OTUD7A: variants seen among roughly 807,000 people sequenced by gnomAD.
OTUD7A encodes the protein OTU domain-containing protein 7A.
In OTUD7A, 12 loss-of-function variants were observed where a neutral mutation model predicts 65.7. The observed-to-expected ratio is 0.18, with a 90% CI of 0.12 to 0.30. The LOEUF (loss-of-function observed/expected upper bound fraction) is 0.30, where lower values mean the gene tolerates loss of function less well. Among genes scored for constraint, OTUD7A ranks in the 10% least tolerant of loss-of-function variants. OTUD7A has a pLI of 1.00. For missense variants in OTUD7A, 1,148 were observed against 1,304.8 expected (o/e 0.88, Z 1.85); for synonymous variants, 641 against 586.3 (o/e 1.09, Z -1.35).
At position 31,687,530 on chromosome 15, in the gene OTUD7A, G is replaced by A. The variant is rs545529999; in HGVS notation, c.-99-30453C>T. ...GTACCCTCTACCATATGCCTCCTGC[G>A]ATGGTCACTCCCAGTCTCCTAATTG... On this transcript the variant is annotated intron_variant, in intron 1 of 12. Coordinates refer to ENST00000307050, the MANE Select transcript of OTUD7A (RefSeq NM_001382637.1). 2.6e-5 allele frequency among the ~76,000 whole-genome samples: 4 copies of A among 152,294 alleles called. No individual in the cohort carries two copies. The East Asian group carries it at 7.7e-4, about 29-fold the overall frequency.
intron 1 of OTUD7A, among the ~76,000 whole-genome samples, chr15:31,696,143 T>G (rs1595713208): frequency 5.6e-5 from 8 of 143,662 alleles, no homozygotes; most frequent in Admixed American, 1.4e-4. Flanking sequence ...GGCACAGGGT[T>G]GAGGGGGGCA....
At chr15:31,669,746 C>T (rs2141294207) in intron 1 of OTUD7A, among the ~76,000 whole-genome samples, 1 of 152,188 alleles carries the variant, frequency 6.6e-6, no homozygotes, top group South Asian at 2.1e-4. Flanking sequence ...CCTCCTCTGG[C>T]TTCCCTCCCA....
At chr15:31,794,601 C>T (rs1014955649) in intron 1 of OTUD7A, among the ~76,000 whole-genome samples, 3 of 150,642 alleles carry the variant, frequency 2.0e-5, no homozygotes, top group Non-Finnish European at 4.4e-5. Flanking sequence ...TGCTGGCTGG[C>T]CTTGTTCTAA....
chr15:31,610,521 A>G (rs1265621580), intron 3 of OTUD7A, among the ~76,000 whole-genome samples: 5 of 149,452 alleles, frequency 3.3e-5, no homozygotes, highest in African/African-American at 1.2e-4. Context: ...TCAACAGCAC[A>G]TGGGACTTTC....
rs2041033500 is a variant in OTUD7A, at chr15:31,477,055, C to G, written c.*6239G>C. Reference sequence around the variant, plus strand: ...TCAAGGCCCTGACCTTCCAGTGCACCTCCACCAGTGGCCAATGGGGATACC... The same window carrying G: ...TCAAGGCCCTGACCTTCCAGTGCACGTCCACCAGTGGCCAATGGGGATACC... On this transcript the variant is annotated 3_prime_UTR_variant, in exon 13 of 13. Coordinates refer to ENST00000307050, the MANE Select transcript of OTUD7A (RefSeq NM_001382637.1). The G allele has an allele frequency of 6.6e-6, 1 of 152,482 alleles. No individual in the cohort carries two copies. Among genetic ancestry groups the G allele is most frequent in the South Asian group, 2.1e-4 (1 of 4,832 alleles). 9.4% of individuals were successfully genotyped at this position (152,482 alleles called of 1,614,324 possible). A position where few individuals can be genotyped will look rare whatever the true frequency, so the allele number is the denominator to read the frequency against.
chr15:31,748,813 G>A (rs1000369800), intron 1 of OTUD7A, among the ~76,000 whole-genome samples: 8 of 152,144 alleles, frequency 5.3e-5, no homozygotes, highest in Non-Finnish European at 5.9e-5. Context: ...ATTCCTTTGC[G>A]TCAATATATC....
At chr15:31,499,953 A>G (rs964844277) in intron 10 of OTUD7A, among the ~76,000 whole-genome samples, 1 of 152,216 alleles carries the variant, frequency 6.6e-6, no homozygotes, top group African/African-American at 2.4e-5. Context: ...ATGCTTTCAT[A>G]TGTGCCTTGA....
chr15:31,576,138 C>T (rs1889196974), intron 3 of OTUD7A, among the ~76,000 whole-genome samples: 1 of 152,174 alleles, frequency 6.6e-6, no homozygotes, highest in African/African-American at 2.4e-5. Context: ...ACATACCTCC[C>T]TCACAATTTG....
chr15:31,686,935 T>C (rs1180123354), intron 1 of OTUD7A, among the ~76,000 whole-genome samples: 3 of 152,232 alleles, frequency 2.0e-5, no homozygotes, highest in Admixed American at 1.3e-4. Context: ...TAACATGTTT[T>C]CCAACAGCAA....
At position 31,487,371 on chromosome 15, in the gene OTUD7A, G is replaced by T; in HGVS notation, c.1286+81C>A. ...TGCCAGCTGTCCCAGGAGGAGCAGG[G>T]GTGGTACATTCCCTCCCCAGGATGC... is the stretch of plus-strand genomic sequence containing the variant. On this transcript the variant is annotated intron_variant, in intron 11 of 12. Transcript: ENST00000307050. The surrounding 1 kb of genome is among the most constrained non-coding windows in gnomAD (Gnocchi z 6.0). The T allele has an allele frequency of 6.3e-7, 1 of 1,580,770 alleles. No individual in the cohort carries two copies. Among genetic ancestry groups the T allele is most frequent in the Non-Finnish European group, 8.7e-7 (1 of 1,154,098 alleles).
rs918212758 is a variant in OTUD7A at position 31,484,923 on chromosome 15, G to A, written c.1372-199C>T. Among the ~76,000 whole-genome samples the A allele has an allele frequency of 3.9e-5, 6 of 152,218 alleles. No homozygotes were observed. Among genetic ancestry groups the A allele is most frequent in the Admixed American group, 2.0e-4 (3 of 15,290 alleles). Reference sequence around the variant, plus strand: ...AGCGGATAGGAGTGGGCTCTGATCTGCTGCGGTAGTAAAAGGATGTAGGGA... The same window carrying A: ...AGCGGATAGGAGTGGGCTCTGATCTACTGCGGTAGTAAAAGGATGTAGGGA... On this transcript the variant is annotated intron_variant, in intron 12 of 12. Coordinates refer to ENST00000307050, the MANE Select transcript of OTUD7A (RefSeq NM_001382637.1). The surrounding 1 kb of genome is among the most constrained non-coding windows in gnomAD (Gnocchi z 4.5).
intron 1 of OTUD7A, among the ~76,000 whole-genome samples, chr15:31,776,951 T>TA (rs547850468): frequency 8.0e-5 from 12 of 150,744 alleles, no homozygotes; most frequent in Admixed American, 2.0e-4. Flanking sequence ...ATAATAATAA[T>TA]AAAAAAATGC....
At chr15:31,824,208 C>A (rs1459493095) in intron 1 of OTUD7A, among the ~76,000 whole-genome samples, 1 of 152,214 alleles carries the variant, frequency 6.6e-6, no homozygotes, top group Non-Finnish European at 1.5e-5. Context: ...GCTCCTTATG[C>A]CAGGCTGGCT....
At chr15:31,755,060 C>T (rs1595747895) in intron 1 of OTUD7A, among the ~76,000 whole-genome samples, 2 of 146,392 alleles carry the variant, frequency 1.4e-5, no homozygotes, top group East Asian at 2.0e-4. Flanking sequence ...CCTCTGTGTT[C>T]GTGTGTGTGT....
chr15:31,693,335 T>G (rs1893001270), intron 1 of OTUD7A, among the ~76,000 whole-genome samples: 1 of 152,216 alleles, frequency 6.6e-6, no homozygotes, highest in African/African-American at 2.4e-5. Context: ...CTTCTCGAAA[T>G]GCCAATACCT....
At chr15:31,591,932 A>G (rs958750207) in intron 3 of OTUD7A, among the ~76,000 whole-genome samples, 1 of 146,064 alleles carries the variant, frequency 6.8e-6, no homozygotes, top group African/African-American at 2.5e-5. Flanking sequence ...TGCACAGCAT[A>G]TAACTGTACT....
At chr15:31,594,481 T>C (rs1024725312) in intron 3 of OTUD7A, among the ~76,000 whole-genome samples, 1 of 152,184 alleles carries the variant, frequency 6.6e-6, no homozygotes, top group African/African-American at 2.4e-5. Flanking sequence ...CCACAGTGTC[T>C]GTGTATGCCA....
intron 1 of OTUD7A, among the ~76,000 whole-genome samples, chr15:31,681,645 CT>C (rs1345987554): frequency 4.6e-5 from 7 of 151,982 alleles, no homozygotes; most frequent in African/African-American, 1.7e-4. Context: ...CTGTGTTTCA[CT>C]GTCTAATAAT....
At position 31,627,660 on chromosome 15, in the gene OTUD7A, C is replaced by T. The variant is rs529847107; in HGVS notation, c.151+27436G>A. Among the ~76,000 whole-genome samples the T allele has an allele frequency of 2.2e-3, 339 of 152,248 alleles. 3 individuals carry two copies. The highest frequency in any genetic ancestry group is 7.6e-3 in the African/African-American group (314 of 41,526). Reference sequence around the variant, plus strand: ...TTCTAGTTCTAGATCCCTGAGGAATCGCCACACTGACTTCCACAATGGTTG... The same window carrying T: ...TTCTAGTTCTAGATCCCTGAGGAATTGCCACACTGACTTCCACAATGGTTG... On this transcript the variant is annotated intron_variant, in intron 3 of 12. Transcript: ENST00000307050.
Sources: gnomAD v4.1 joint callset for allele counts (sites outside exome capture counted in the v4.1 genomes callset) on GRCh38, gnomAD v4.1.1 for gene constraint, Gnocchi (gnomAD v3.1) non-coding constraint, MANE v1.5 for transcripts, NCBI Gene and HGNC (gene_info 2026-07-23, HGNC 2026-07-21) for gene names.